Variants in CEP250 observed in about 807,000 individuals in gnomAD.
CEP250 encodes the protein centrosomal protein 250.
In CEP250, 242 loss-of-function variants were observed where a neutral mutation model predicts 315.7. The ratio of observed to expected loss-of-function variants is 0.77; its 90% CI spans 0.69 to 0.85. The LOEUF is 0.85. Ranked by LOEUF, CEP250 falls within the 40% of genes least tolerant of loss-of-function variation. CEP250 has a pLI of 0.00. For missense variants in CEP250, 2,515 were observed against 2,886.4 expected, an observed-to-expected ratio of 0.87 and a Z score of 2.95; for synonymous variants, 1,088 against 1,175.0, an observed-to-expected ratio of 0.93 and a Z score of 1.51.
chr20:35,484,830 G>A (rs911329017), intron 20 of CEP250, among the ~76,000 whole-genome samples: 16 of 152,104 alleles, frequency 1.1e-4, no homozygotes, highest in African/African-American at 3.9e-4. Context: ...GTAGTGCAAA[G>A]CAGCCATATA....
At chr20:35,476,712 A>G in intron 16 of CEP250, 117 bp downstream of exon 16, 1 of 862,078 alleles carries the variant, frequency 1.2e-6, no homozygotes, top group East Asian at 2.5e-5. Context: ...AATGCAGAGG[A>G]GAGCAAAGAC....
At chr20:35,491,065 T>C in intron 21 of CEP250, 147 bp from the exon 22 acceptor site, 1 of 1,011,454 alleles carries the variant, frequency 9.9e-7, no homozygotes, top group Non-Finnish European at 1.4e-6. Flanking sequence ...TTCCTTGTTC[T>C]GAACCCATGG....
chr20:35,504,360 C>T lies in CEP250; in HGVS notation c.5991C>T (p.Ser1997=). The change falls in exon 30 of 35, where the codon AGC becomes AGT. Residue 1997 remains serine (S), a synonymous_variant. Coordinates refer to ENST00000397527, the MANE Select transcript of CEP250 (RefSeq NM_007186.6). Reference sequence around the variant, plus strand: ...AATTGAGCCGCAGTCTGGAGGCCAGCACTGCAACCCTGCAAGCCTCCCTGG... The same window carrying T: ...AATTGAGCCGCAGTCTGGAGGCCAGTACTGCAACCCTGCAAGCCTCCCTGG... The part of the protein sequence containing the change: ...QAELSRSLEA[S]TATLQASLDA... 5 of 1,598,032 alleles carry T rather than the reference C, an allele frequency of 3.1e-6. No homozygotes were observed. The highest frequency in any genetic ancestry group is 4.3e-6 in the Non-Finnish European group (5 of 1,172,354).
At chr20:35,486,763 T>G (rs2063525507) in intron 20 of CEP250, among the ~76,000 whole-genome samples, 1 of 152,204 alleles carries the variant, frequency 6.6e-6, no homozygotes, top group African/African-American at 2.4e-5. Flanking sequence ...GAGGCAGGCT[T>G]ATTGGCAAGA....
chr20:35,464,592 C>G (rs542057332), intron 5 of CEP250, among the ~76,000 whole-genome samples: 16 of 152,328 alleles, frequency 1.1e-4, no homozygotes, highest in African/African-American at 3.6e-4. Context: ...GCCACTGCAT[C>G]TGGCCCGAAC....
chr20:35,493,722 AG>A, intron 23 of CEP250, 150 bp downstream of exon 23: 1 of 532,822 alleles, frequency 1.9e-6, no homozygotes, highest in Non-Finnish European at 3.0e-6. Context: ...GGAAAATTAG[AG>A]GGTGCTCAGA....
At position 35,508,174 on chromosome 20, in the gene CEP250, G is replaced by A. The variant is rs762253604; in HGVS notation, c.6890G>A (p.Arg2297Gln). The A allele has an allele frequency of 1.3e-5, 21 of 1,613,900 alleles. No homozygotes were observed. Among genetic ancestry groups the A allele is most frequent in the South Asian group, 5.5e-5 (5 of 91,068 alleles). Reference sequence around the variant, plus strand: ...CTGCAGCGCCACAATGTCCAGCTGCGGAGTACCTTGGAGCAGGTGACCCCT... The same window carrying A: ...CTGCAGCGCCACAATGTCCAGCTGCAGAGTACCTTGGAGCAGGTGACCCCT... ...SRLQRHNVQL[R>Q]STLEQVERER... The change falls in exon 32 of 35, where the codon CGG (arginine) becomes CAG (glutamine). Residue 2297 changes from arginine to glutamine, a missense_variant. Arg to Gln is a conservative substitution (Grantham distance 43). Coordinates refer to ENST00000397527, the MANE Select transcript of CEP250 (RefSeq NM_007186.6).
rs1386729346 is a variant in CEP250, at chr20:35,512,800, TCCTC to T, written c.*1177_*1180del. ...GCCTGAAACTCCTGGGCTCAAGTGA[TCCTC>T]CCACCTCAACCTCTCAAAGTGCTGG... On this transcript the variant is annotated 3_prime_UTR_variant, in exon 35 of 35. Coordinates refer to ENST00000397527, the MANE Select transcript of CEP250 (RefSeq NM_007186.6). 6.6e-6 allele frequency: 1 copy of T among 152,280 alleles called. No homozygotes were observed. Among genetic ancestry groups the T allele is most frequent in the African/African-American group, 2.4e-5 (1 of 41,418 alleles). The allele number at this position is 152,280 out of a possible 1,614,324, so 9.4% of individuals were successfully genotyped here.
intron 10 of CEP250, among the ~76,000 whole-genome samples, chr20:35,470,412 G>A (rs1426570176): frequency 2.6e-5 from 4 of 152,194 alleles, no homozygotes; most frequent in African/African-American, 9.7e-5. Flanking sequence ...TTGAAGACAT[G>A]ATAGCTGCCT....
At chr20:35,507,882 C>T (rs370603779) in intron 31 of CEP250, 31 bp downstream of exon 31, 27 of 1,603,738 alleles carry the variant, frequency 1.7e-5, no homozygotes, top group Non-Finnish European at 2.0e-5. Flanking sequence ...GAACAGGTGA[C>T]CCAGCAGGGA....
intron 26 of CEP250, 40 bp downstream of exon 26, chr20:35,498,107 G>A (rs1479207595): frequency 1.4e-6 from 2 of 1,423,022 alleles, no homozygotes; most frequent in Non-Finnish European, 1.9e-6. Flanking sequence ...TTGGGCCAAA[G>A]CCAGGCCTGG....
intron 20 of CEP250, among the ~76,000 whole-genome samples, chr20:35,484,277 TC>T (rs1176974342): frequency 6.6e-6 from 1 of 152,154 alleles, no homozygotes; most frequent in Non-Finnish European, 1.5e-5. Context: ...GAGTTTTTCC[TC>T]AGAGGATTTG....
chr20:35,490,822 T>G lies in CEP250; in HGVS notation c.2754+18T>G. On this transcript the variant is annotated intron_variant, in intron 21 of 34. Transcript: ENST00000397527. The stretch of plus-strand genomic sequence containing the variant: ...TATGCCAGGTGGGAAGCTAGGAGGA[T>G]TGGAGCTGCACGTCCAGTCAGCGAT... 1 of 1,610,406 alleles carries G rather than the reference T, an allele frequency of 6.2e-7. No homozygotes were observed. The highest frequency in any genetic ancestry group is 8.5e-7 in the Non-Finnish European group (1 of 1,179,332).
At chr20:35,500,010 A>G in intron 27 of CEP250, 39 bp from the exon 28 acceptor site, 1 of 1,613,196 alleles carries the variant, frequency 6.2e-7, no homozygotes, top group Non-Finnish European at 8.5e-7. Flanking sequence ...TTTGTGGAAG[A>G]TGAGGAACTC....
intron 14 of CEP250, 90 bp from the exon 15 acceptor site, chr20:35,475,412 T>C: frequency 7.5e-7 from 1 of 1,328,924 alleles, no homozygotes; most frequent in Non-Finnish European, 1.0e-6. Context: ...CTCATTCTGT[T>C]GCATAGCAAA....
intron 8 of CEP250, 100 bp from the exon 9 acceptor site, chr20:35,467,204 G>T: frequency 6.8e-7 from 1 of 1,467,016 alleles, no homozygotes; most frequent in South Asian, 1.2e-5. Context: ...GGAAGCAGAT[G>T]ATTTTTCCCA....
Position 35,504,747 on chromosome 20 carries a change from C to T in CEP250, c.6378C>T (p.Pro2126=). ...AAAGGAACAACCTGGAAGCCTTACCCCACAGCCACAAAACCTCCCCAATGG... is the reference window on the plus strand; with the variant it reads ...AAAGGAACAACCTGGAAGCCTTACCTCACAGCCACAAAACCTCCCCAATGG... ...TQQRNNLEAL[P]HSHKTSPMEE... Residue 2126 remains proline (P), a synonymous_variant, in exon 30 of 35, where the codon CCC becomes CCT. Transcript: ENST00000397527. 2 of 1,614,192 alleles carry T rather than the reference C, an allele frequency of 1.2e-6. No individual in the cohort carries two copies. The highest frequency in any genetic ancestry group is 1.7e-6 in the Non-Finnish European group (2 of 1,180,036).
At position 35,504,352 on chromosome 20, in the gene CEP250, G is replaced by A; in HGVS notation, c.5983G>A (p.Glu1995Lys). 1 of 1,596,816 alleles carries A rather than the reference G, an allele frequency of 6.3e-7. No individual in the cohort carries two copies. The highest frequency in any genetic ancestry group is 8.5e-7 in the Non-Finnish European group (1 of 1,171,818). Residue 1995 changes from glutamate to lysine, a missense_variant, in exon 30 of 35, where the codon GAG becomes AAG. Glu to Lys is a moderately conservative substitution (Grantham distance 56). Transcript: ENST00000397527. The stretch of plus-strand genomic sequence containing the variant: ...GCAGGCAGAATTGAGCCGCAGTCTG[G>A]AGGCCAGCACTGCAACCCTGCAAGC... ...LEQAELSRSL[E>K]ASTATLQASL...
rs761101944 is a variant in CEP250 at position 35,502,438 on chromosome 20, G to A, written c.4069G>A (p.Val1357Met). The A allele has an allele frequency of 4.6e-5, 74 of 1,613,982 alleles. No homozygotes were observed. Among genetic ancestry groups the A allele is most frequent in the South Asian group, 4.2e-4 (38 of 91,078 alleles). ...QAAKENLTAQVEHLQAAVVEA... is the reference protein window; with the variant it reads ...QAAKENLTAQMEHLQAAVVEA... ...AGCCAAGGAGAACCTGACAGCCCAG[G>A]TGGAACACCTGCAAGCAGCTGTCGT... The change falls in exon 30 of 35, where the codon GTG (valine) becomes ATG (methionine). Residue 1357 changes from valine to methionine, a missense_variant. Physicochemically the swap from Val to Met is conservative, Grantham distance 21 (BLOSUM62 1). Coordinates refer to ENST00000397527, the MANE Select transcript of CEP250 (RefSeq NM_007186.6).
Sources: allele counts gnomAD v4.1 joint callset (sites outside exome capture counted in the v4.1 genomes callset), GRCh38; gene constraint gnomAD v4.1.1; transcripts MANE v1.5; gene names NCBI Gene and HGNC (gene_info 2026-07-23, HGNC 2026-07-21).